Variants in INVS observed in about 807,000 individuals in gnomAD.
The protein encoded by INVS is inversion of embryo turning homolog.
A neutral mutation model predicts 108.8 loss-of-function variants in INVS; 86 were observed. The ratio of observed to expected loss-of-function variants is 0.79; its 90% CI spans 0.66 to 0.95. The LOEUF (loss-of-function observed/expected upper bound fraction) is 0.95. INVS is among the 40% of genes least tolerant of loss of function. The probability of loss-of-function intolerance (pLI) is 0.00; values close to 1 mark genes in which losing one functional copy is unlikely to be tolerated. For missense variants in INVS, 1,169 were observed against 1,297.4 expected (o/e 0.90, Z 1.52); for synonymous variants, 455 against 473.5 (o/e 0.96, Z 0.51).
At chr9:100,155,156 A>T (rs1341875315) in intron 3 of INVS, among the ~76,000 whole-genome samples, 4 of 151,506 alleles carry the variant, frequency 2.6e-5, no homozygotes, top group African/African-American at 9.7e-5. Context: ...GGTTGCAGAG[A>T]GCCGAGATAG....
chr9:100,177,853 C>A (rs953538436), intron 3 of INVS, among the ~76,000 whole-genome samples: 6 of 152,146 alleles, frequency 3.9e-5, no homozygotes, highest in Non-Finnish European at 1.5e-5. Context: ...CAGCAGGGGC[C>A]GACAGACACC....
intron 2 of INVS, among the ~76,000 whole-genome samples, chr9:100,122,584 T>C (rs1239395848): frequency 2.3e-5 from 3 of 128,566 alleles, no homozygotes; most frequent in Non-Finnish European, 3.3e-5. Context: ...TTCTTTTTTT[T>C]TTTTTTTTTT....
chr9:100,101,567 G>T (rs1024077116), intron 1 of INVS: 1 of 152,134 alleles, frequency 6.6e-6, no homozygotes, highest in African/African-American at 2.4e-5. Context: ...GCAAAATAAA[G>T]ACGTAAGGAG....
chr9:100,157,545 G>C (rs1428519465), intron 3 of INVS, among the ~76,000 whole-genome samples: 1 of 152,092 alleles, frequency 6.6e-6, no homozygotes, highest in East Asian at 1.9e-4. Flanking sequence ...GGATTACAGC[G>C]TGAGCCACCG....
intron 3 of INVS, among the ~76,000 whole-genome samples, chr9:100,189,733 C>A (rs1830166120): frequency 6.6e-6 from 1 of 151,130 alleles, no homozygotes. Flanking sequence ...TATGTGTATT[C>A]TTTTTTCTTT....
chr9:100,290,928 C>T (rs1833593559), intron 13 of INVS, among the ~76,000 whole-genome samples: 1 of 152,148 alleles, frequency 6.6e-6, no homozygotes, highest in Non-Finnish European at 1.5e-5. Context: ...GTTGTCCCGG[C>T]TTGTCTCAGA....
intron 3 of INVS, among the ~76,000 whole-genome samples, chr9:100,143,536 G>A (rs1463060284): frequency 2.0e-5 from 3 of 152,030 alleles, no homozygotes; most frequent in Non-Finnish European, 4.4e-5. Context: ...TTATACTTGT[G>A]GGTTAAGATG....
intron 12 of INVS, among the ~76,000 whole-genome samples, chr9:100,274,919 T>C (rs1011714548): frequency 2.6e-5 from 4 of 152,208 alleles, no homozygotes; most frequent in Admixed American, 2.0e-4. Context: ...ATAAGTGTAC[T>C]AAATAATCAT....
At chr9:100,139,202 C>T (rs1322423624) in intron 3 of INVS, among the ~76,000 whole-genome samples, 12 of 152,122 alleles carry the variant, frequency 7.9e-5, no homozygotes, top group African/African-American at 2.4e-4. Context: ...TCTCAGTTCT[C>T]GTACTTCTGT....
intron 3 of INVS, among the ~76,000 whole-genome samples, chr9:100,191,976 G>A (rs1830236767): frequency 6.6e-6 from 1 of 152,078 alleles, no homozygotes; most frequent in African/African-American, 2.4e-5. Flanking sequence ...GAGAATCTTT[G>A]TCTGATGGCT....
chr9:100,263,930 C>T (rs1164384830), intron 10 of INVS, among the ~76,000 whole-genome samples: 2 of 152,100 alleles, frequency 1.3e-5, no homozygotes, highest in Non-Finnish European at 1.5e-5. Flanking sequence ...TCTGCTCTAT[C>T]AGTTGTTTTT....
At chr9:100,150,581 G>T (rs567356328) in intron 3 of INVS, among the ~76,000 whole-genome samples, 1 of 152,082 alleles carries the variant, frequency 6.6e-6, no homozygotes, top group Non-Finnish European at 1.5e-5. Flanking sequence ...AATTAATTTT[G>T]TATATAACAT....
At chr9:100,168,523 TAATC>T (rs997255790) in intron 3 of INVS, among the ~76,000 whole-genome samples, 4 of 152,156 alleles carry the variant, frequency 2.6e-5, no homozygotes, top group Admixed American at 1.3e-4. Flanking sequence ...CAGTGACAAA[TAATC>T]AATAGCTGTC....
intron 5 of INVS, 122 bp downstream of exon 5, chr9:100,229,949 G>C (rs1224863102): frequency 2.3e-6 from 2 of 875,880 alleles, no homozygotes; most frequent in Non-Finnish European, 3.6e-6. Context: ...GAATACAACA[G>C]ACATATGGAC....
chr9:100,203,374 T>G (rs572631834), intron 3 of INVS, among the ~76,000 whole-genome samples: 26 of 152,300 alleles, frequency 1.7e-4, no homozygotes, highest in Admixed American at 1.6e-3. Flanking sequence ...GTGAACATTT[T>G]TTTCTCAAGT....
intron 12 of INVS, among the ~76,000 whole-genome samples, chr9:100,279,651 G>A (rs747115684): frequency 8.5e-5 from 13 of 152,218 alleles, no homozygotes; most frequent in Non-Finnish European, 1.3e-4. Context: ...TAGAATGGCA[G>A]CATTTAGGCA....
chr9:100,198,195 A>G (rs780295068), intron 3 of INVS, among the ~76,000 whole-genome samples: 1 of 149,064 alleles, frequency 6.7e-6, no homozygotes, highest in Non-Finnish European at 1.5e-5. Context: ...GTGTCCTTCA[A>G]TCTAGAAAAG....
intron 3 of INVS, among the ~76,000 whole-genome samples, chr9:100,157,773 A>G (rs1391339864): frequency 6.6e-6 from 1 of 152,104 alleles, no homozygotes; most frequent in Non-Finnish European, 1.5e-5. Context: ...AGTTCCTTAC[A>G]TGTTTTATTT....
chr9:100,190,590 G>A (rs747838272), intron 3 of INVS, among the ~76,000 whole-genome samples: 6 of 151,834 alleles, frequency 4.0e-5, no homozygotes, highest in Admixed American at 3.3e-4. Context: ...TTGCTCATCC[G>A]AAAAAAAACT....
Sources: gnomAD v4.1 joint callset for allele counts (sites outside exome capture counted in the v4.1 genomes callset) on GRCh38, gnomAD v4.1.1 for gene constraint, MANE v1.5 for transcripts, NCBI Gene and HGNC (gene_info 2026-07-23, HGNC 2026-07-21) for gene names.